NOMO3: variants seen among roughly 807,000 people sequenced by gnomAD.
NOMO3 encodes BOS complex subunit NOMO3.
Under a neutral mutation model 69.9 loss-of-function variants are expected in NOMO3, and 15 were observed. That is an observed-to-expected ratio of 0.21 (90% confidence interval 0.14 to 0.33). NOMO3 has a LOEUF of 0.33. Ranked by LOEUF, NOMO3 falls within the 10% of genes least tolerant of loss-of-function variation. The pLI is 1.00. For synonymous variants in NOMO3, 89 were observed against 301.9 expected, an observed-to-expected ratio of 0.29 and a Z score of 7.31; for missense variants, 218 against 761.0, an observed-to-expected ratio of 0.29 and a Z score of 8.39.
rs942133107 is a variant in NOMO3 at position 16,242,014 on chromosome 16, G to A, written c.302-1147G>A. On this transcript the variant is annotated intron_variant, in intron 3 of 30. Coordinates refer to ENST00000399336, the MANE Select transcript of NOMO3 (RefSeq NM_001004067.4). ...CACATCCTAACCTACACTTGATATC[G>A]TCAGTTTTTTTTAATTTTAGCCCTT... is the stretch of plus-strand genomic sequence containing the variant. 2.7e-4 allele frequency among the ~76,000 whole-genome samples: 38 copies of A among 143,246 alleles called. 5 individuals are homozygous for A. The highest frequency in any genetic ancestry group is 1.9e-3 in the Admixed American group (28 of 14,668). The allele number at this position is 143,246 out of a possible 152,430, so 94.0% of individuals were successfully genotyped here.
At chr16:16,234,883 C>T (rs2141244559) in intron 1 of NOMO3, among the ~76,000 whole-genome samples, 1 of 151,564 alleles carries the variant, frequency 6.6e-6, no homozygotes, top group South Asian at 2.1e-4. Flanking sequence ...ACATTAAAAA[C>T]TGGGTGCTTT....
At chr16:16,272,066 AG>A (rs2049660623) in intron 18 of NOMO3, among the ~76,000 whole-genome samples, 1 of 137,378 alleles carries the variant, frequency 7.3e-6, no homozygotes, top group South Asian at 2.4e-4. Context: ...GATTTGCCGA[AG>A]GTCTGTTGCT....
At chr16:16,255,582 C>A (rs1381529821) in intron 9 of NOMO3, 138 bp from the exon 10 acceptor site, 3 of 634,700 alleles carry the variant, frequency 4.7e-6, no homozygotes, top group African/African-American at 2.5e-5. Context: ...CCGGCTGGCA[C>A]ACAGGACCGG....
At chr16:16,266,090 G>T (rs2049616945) in intron 15 of NOMO3, among the ~76,000 whole-genome samples, 1 of 142,484 alleles carries the variant, frequency 7.0e-6, no homozygotes, top group South Asian at 2.2e-4. Context: ...AAGGCAGTGT[G>T]AAATGGGTTT....
In NOMO3 at chr16:16,267,596, G is replaced by A. The variant is rs1478338033; in HGVS notation, c.1894+465G>A. Among the ~76,000 whole-genome samples the A allele has an allele frequency of 1.3e-4, 18 of 139,272 alleles. 1 individual carries two copies. Among genetic ancestry groups the A allele is most frequent in the Admixed American group, 3.5e-4 (5 of 14,372 alleles). 91.4% of individuals were successfully genotyped at this position (139,272 alleles called of 152,430 possible). A position where few individuals can be genotyped will look rare whatever the true frequency, so the allele number is the denominator to read the frequency against. ...ATTACAGGTGCCCACCACCACATCC[G>A]GCTAATTTTTGTATTTTTAGTAGGG... On this transcript the variant is annotated intron_variant, in intron 16 of 30. Coordinates refer to ENST00000399336, the MANE Select transcript of NOMO3 (RefSeq NM_001004067.4).
intron 1 of NOMO3, among the ~76,000 whole-genome samples, chr16:16,235,623 C>T (rs1179769684): frequency 1.4e-5 from 2 of 144,660 alleles, no homozygotes; most frequent in Non-Finnish European, 3.0e-5. Flanking sequence ...CTCAAGCAGT[C>T]CTCCTGCCTC....
intron 20 of NOMO3, among the ~76,000 whole-genome samples, chr16:16,274,335 G>T (rs1418361241): frequency 4.9e-5 from 5 of 101,716 alleles, no homozygotes; most frequent in African/African-American, 7.8e-5. Context: ...AGTAACTTTT[G>T]CTGTTAGAAT....
intron 5 of NOMO3, among the ~76,000 whole-genome samples, chr16:16,245,629 G>A (rs574405390): frequency 1.5e-5 from 2 of 132,958 alleles, no homozygotes; most frequent in East Asian, 5.2e-4. Context: ...AGGCTGAGGC[G>A]GGAGGATTGC....
At chr16:16,265,911 C>T (rs1205331313) in intron 15 of NOMO3, among the ~76,000 whole-genome samples, 7 of 142,494 alleles carry the variant, frequency 4.9e-5, no homozygotes, top group Non-Finnish European at 1.0e-4. Flanking sequence ...CCAGACTGGT[C>T]TTAAAACTCC....
rs1370997500 is a variant in NOMO3, at chr16:16,241,383, T to C, written c.301+1487T>C. Among the ~76,000 whole-genome samples the C allele has an allele frequency of 1.4e-5, 2 of 143,162 alleles. 1 individual carries two copies. The highest frequency in any genetic ancestry group is 5.6e-5 in the African/African-American group (2 of 35,736). The allele number at this position is 143,162 out of a possible 152,430, so 93.9% of individuals were successfully genotyped here. ...AGAATTCTGATGCATAAATATAAAATTATTTATATTTTATAAAATACTTAT... is the reference window on the plus strand; with the variant it reads ...AGAATTCTGATGCATAAATATAAAACTATTTATATTTTATAAAATACTTAT... On this transcript the variant is annotated intron_variant, in intron 3 of 30. Transcript: ENST00000399336.
chr16:16,241,367 A>G (rs1408969191), intron 3 of NOMO3, among the ~76,000 whole-genome samples: 2 of 142,732 alleles, frequency 1.4e-5, no homozygotes, highest in Non-Finnish European at 3.0e-5. Flanking sequence ...GAGAATTCTG[A>G]TGCATAAATA....
At chr16:16,239,985 T>TA (rs1281620008) in intron 3 of NOMO3, 89 bp downstream of exon 3, 1 of 493,484 alleles carries the variant, frequency 2.0e-6, no homozygotes, top group Non-Finnish European at 3.5e-6. Context: ...CATAAACTAT[T>TA]AAAATATTAA....
chr16:16,234,134 G>A lies in NOMO3; in HGVS notation c.165+1303G>A, dbSNP rs574639213. Among the ~76,000 whole-genome samples the A allele has an allele frequency of 2.5e-3, 379 of 152,092 alleles. 2 individuals are homozygous for A. The highest frequency in any genetic ancestry group is 3.7e-3 in the Non-Finnish European group (249 of 67,962). ...TGAATCTACCCACTGGCAGCGGCAG[G>A]GCTCCTAGGATTTCCTGGGTACATG... is the stretch of plus-strand genomic sequence containing the variant. On this transcript the variant is annotated intron_variant, in intron 1 of 30. Transcript: ENST00000399336.
chr16:16,269,217 C>T (rs1432154984), intron 16 of NOMO3, among the ~76,000 whole-genome samples: 1 of 141,890 alleles, frequency 7.0e-6, no homozygotes, highest in Non-Finnish European at 1.5e-5. Flanking sequence ...TCAGCACTCA[C>T]TTCTATCCCC....
intron 12 of NOMO3, 109 bp from the exon 13 acceptor site, chr16:16,262,965 C>T: frequency 1.3e-6 from 2 of 1,514,322 alleles, no homozygotes; most frequent in Non-Finnish European, 1.8e-6. Flanking sequence ...AACCTTTGGC[C>T]TTCAAAATCT....
rs912671951 is a variant in NOMO3, at chr16:16,263,361, A to G, written c.1537+146A>G. ...AGGCTTCTTGGAGTCAGGTGGGTACATGTTAACTTGAAAGAAGCGCTCCGT... is the reference window on the plus strand; with the variant it reads ...AGGCTTCTTGGAGTCAGGTGGGTACGTGTTAACTTGAAAGAAGCGCTCCGT... On this transcript the variant is annotated intron_variant, in intron 13 of 30. Transcript: ENST00000399336. The G allele has an allele frequency of 2.0e-5, 31 of 1,574,396 alleles. 3 individuals carry two copies. The Admixed American group carries it at 4.2e-4, about 22-fold the overall frequency.
At chr16:16,265,670 A>ATATGTATT (rs1237877207) in intron 15 of NOMO3, among the ~76,000 whole-genome samples, 2 of 16,678 alleles carry the variant, frequency 1.2e-4, no homozygotes, top group Admixed American at 1.2e-3. Context: ...ATATATATAT[A>ATATGTATT]TTTTTTTTTT....
At chr16:16,240,917 A>T (rs1483912847) in intron 3 of NOMO3, among the ~76,000 whole-genome samples, 1 of 144,020 alleles carries the variant, frequency 6.9e-6, no homozygotes, top group Non-Finnish European at 1.5e-5. Context: ...CGTTCCAGAA[A>T]GCTGGAGAGG....
intron 16 of NOMO3, among the ~76,000 whole-genome samples, chr16:16,267,610 T>G (rs1403570857): frequency 7.2e-6 from 1 of 139,198 alleles, no homozygotes; most frequent in Admixed American, 6.9e-5. Context: ...AATTTTTGTA[T>G]TTTTAGTAGG....
Sources: gnomAD v4.1 joint callset for allele counts (sites outside exome capture counted in the v4.1 genomes callset) on GRCh38, gnomAD v4.1.1 for gene constraint, MANE v1.5 for transcripts, NCBI Gene and HGNC (gene_info 2026-07-23, HGNC 2026-07-21) for gene names.